The following HPSE2 variants were observed in gnomAD, a reference collection of about 807,000 sequenced individuals.
HPSE2 encodes the protein inactive heparanase-2.
HPSE2 carries 38 observed loss-of-function variants against 60.5 expected under a neutral mutation model. That is an observed-to-expected ratio of 0.63 (90% confidence interval 0.48 to 0.82). HPSE2 has a LOEUF of 0.82. Among genes scored for constraint, HPSE2 ranks in the 40% least tolerant of loss-of-function variants. The pLI is 0.00. For missense variants in HPSE2, 713 were observed against 740.4 expected (o/e 0.96, Z 0.43); for synonymous variants, 295 against 293.2 (o/e 1.01, Z -0.06).
intron 3 of HPSE2, among the ~76,000 whole-genome samples, chr10:98,948,028 T>C (rs867793033): frequency 9.2e-5 from 14 of 152,190 alleles, no homozygotes; most frequent in African/African-American, 3.4e-4. Flanking sequence ...CAAGGGGTCA[T>C]AAGGACCATT....
chr10:98,554,582 G>A (rs7907389), intron 9 of HPSE2, among the ~76,000 whole-genome samples: 41,967 of 152,040 alleles, frequency 0.28, 6,206 homozygotes, highest in East Asian at 0.48. Flanking sequence ...AATGCCTCAT[G>A]ACGTTTACTA....
intron 2 of HPSE2, among the ~76,000 whole-genome samples, chr10:99,212,305 T>C (rs1848978574): frequency 1.3e-5 from 2 of 152,034 alleles, no homozygotes; most frequent in African/African-American, 2.4e-5. Flanking sequence ...ATCCCACTAC[T>C]AGATATATAT....
chr10:98,526,026 T>C (rs1942956166), intron 9 of HPSE2, among the ~76,000 whole-genome samples: 1 of 152,214 alleles, frequency 6.6e-6, no homozygotes, highest in Admixed American at 6.5e-5. Flanking sequence ...ATACCCTCGT[T>C]ACTCTGTAGA....
intron 3 of HPSE2, among the ~76,000 whole-genome samples, chr10:98,900,651 AG>A (rs1362347201): frequency 6.6e-6 from 1 of 152,232 alleles, no homozygotes; most frequent in African/African-American, 2.4e-5. Flanking sequence ...AAATACATAA[AG>A]CCAGATACCT....
intron 2 of HPSE2, among the ~76,000 whole-genome samples, chr10:99,174,633 T>A (rs922405279): frequency 6.6e-6 from 1 of 152,228 alleles, no homozygotes; most frequent in Non-Finnish European, 1.5e-5. Flanking sequence ...TTTGTACTTA[T>A]GGAACTACTA....
At chr10:99,048,037 G>A (rs1957899416) in intron 3 of HPSE2, 2 of 688,412 alleles carry the variant, frequency 2.9e-6, no homozygotes. Context: ...TTAATATGCT[G>A]TGGACTATAG....
intron 3 of HPSE2, among the ~76,000 whole-genome samples, chr10:98,812,574 T>C (rs937374742): frequency 3.3e-5 from 5 of 152,138 alleles, no homozygotes; most frequent in Non-Finnish European, 5.9e-5. Context: ...TAATTTAAAA[T>C]TTTTTGGTAG....
chr10:98,598,784 A>C (rs1303784233), intron 9 of HPSE2, among the ~76,000 whole-genome samples: 1 of 151,814 alleles, frequency 6.6e-6, no homozygotes, highest in Non-Finnish European at 1.5e-5. Flanking sequence ...ACTGGCCTGG[A>C]TCCTGGGGCT....
At chr10:99,023,166 T>G (rs1045058341) in intron 3 of HPSE2, among the ~76,000 whole-genome samples, 1 of 152,058 alleles carries the variant, frequency 6.6e-6, no homozygotes, top group Non-Finnish European at 1.5e-5. Context: ...ACATACTGAC[T>G]TAAGAGCCCG....
intron 11 of HPSE2, chr10:98,461,689 T>C: frequency 9.1e-7 from 1 of 1,093,946 alleles, no homozygotes; most frequent in Non-Finnish European, 1.3e-6. Flanking sequence ...CTCAAATTTA[T>C]ATCAGGTCTC....
chr10:98,520,195 A>T (rs1174425658), intron 9 of HPSE2, among the ~76,000 whole-genome samples: 1 of 152,080 alleles, frequency 6.6e-6, no homozygotes, highest in Non-Finnish European at 1.5e-5. Context: ...TATACCCAGA[A>T]CTCCACTGGG....
intron 3 of HPSE2, among the ~76,000 whole-genome samples, chr10:99,078,415 T>C (rs1263106750): frequency 6.6e-6 from 1 of 152,246 alleles, no homozygotes; most frequent in Non-Finnish European, 1.5e-5. Context: ...TTCTCCCATG[T>C]ACTTTAAATC....
intron 2 of HPSE2, among the ~76,000 whole-genome samples, chr10:99,204,083 T>G (rs1848664437): frequency 6.6e-6 from 1 of 152,082 alleles, no homozygotes; most frequent in Admixed American, 6.6e-5. Flanking sequence ...CAGCACATTG[T>G]CAGCCCCTGT....
chr10:98,871,961 A>T (rs576915253), intron 3 of HPSE2, among the ~76,000 whole-genome samples: 1 of 152,308 alleles, frequency 6.6e-6, no homozygotes, highest in East Asian at 1.9e-4. Flanking sequence ...TTTTGGCCCA[A>T]AAATGAAAAT....
intron 3 of HPSE2, among the ~76,000 whole-genome samples, chr10:99,008,134 C>A (rs1956932915): frequency 6.6e-6 from 1 of 152,220 alleles, no homozygotes; most frequent in Non-Finnish European, 1.5e-5. Flanking sequence ...GAAGGACTGA[C>A]TCCTCACTGC....
At chr10:98,533,356 A>ATAATGCC (rs1264917780) in intron 9 of HPSE2, among the ~76,000 whole-genome samples, 1 of 152,264 alleles carries the variant, frequency 6.6e-6, no homozygotes, top group East Asian at 1.9e-4. Flanking sequence ...TGAAGATAGA[A>ATAATGCC]TAATGCCTTA....
At chr10:98,532,555 A>G (rs986276041) in intron 9 of HPSE2, among the ~76,000 whole-genome samples, 1 of 152,244 alleles carries the variant, frequency 6.6e-6, no homozygotes. Context: ...TGCTTGATAC[A>G]TAATACACAC....
chr10:99,000,544 T>C (rs1254724480), intron 3 of HPSE2, among the ~76,000 whole-genome samples: 1 of 151,876 alleles, frequency 6.6e-6, no homozygotes, highest in Admixed American at 6.6e-5. Flanking sequence ...TGCAAAACAG[T>C]ATCGAATGTT....
Position 98,458,726 on chromosome 10 carries a change from T to C in HPSE2, c.*848A>G, listed in dbSNP as rs1356098410. The C allele has an allele frequency of 6.6e-6, 1 of 152,560 alleles. No individual in the cohort carries two copies. The highest frequency in any genetic ancestry group is 1.5e-5 in the Non-Finnish European group (1 of 68,354). The allele number at this position is 152,560 out of a possible 1,614,324, so 9.5% of individuals were successfully genotyped here. A position where few individuals can be genotyped will look rare whatever the true frequency, so the allele number is the denominator to read the frequency against. ...GTGTGTACCTGATGTTTCAGTATGCTTTCTCTTTGTACTCAAACTCTCCCT... is the reference window on the plus strand; with the variant it reads ...GTGTGTACCTGATGTTTCAGTATGCCTTCTCTTTGTACTCAAACTCTCCCT... On this transcript the variant is annotated 3_prime_UTR_variant, in exon 12 of 12. Transcript: ENST00000370552.
Sources: allele counts gnomAD v4.1 joint callset (sites outside exome capture counted in the v4.1 genomes callset), GRCh38; gene constraint gnomAD v4.1.1; transcripts MANE v1.5; gene names NCBI Gene and HGNC (gene_info 2026-07-23, HGNC 2026-07-21).